Variants in SGIP1 observed in about 807,000 individuals in gnomAD.
The protein encoded by SGIP1 is SH3GL interacting endocytic adaptor 1.
Under a neutral mutation model 107.5 loss-of-function variants are expected in SGIP1, and 38 were observed. That is an observed-to-expected ratio of 0.35 (90% CI 0.27 to 0.46). SGIP1 has a LOEUF of 0.46. SGIP1 is among the 20% of genes least tolerant of loss of function. SGIP1 has a pLI of 1.00. For missense variants in SGIP1, 929 were observed against 1,019.5 expected, an observed-to-expected ratio of 0.91 and a Z score of 1.21; for synonymous variants, 365 against 366.1, an observed-to-expected ratio of 1.00 and a Z score of 0.03.
intron 1 of SGIP1, among the ~76,000 whole-genome samples, chr1:66,539,783 G>A (rs1402804570): frequency 1.3e-5 from 2 of 152,172 alleles, no homozygotes; most frequent in Non-Finnish European, 2.9e-5. Flanking sequence ...CACCTCCTCA[G>A]GCAGCCTTTG....
intron 17 of SGIP1, chr1:66,694,595 C>A: frequency 9.8e-7 from 1 of 1,016,212 alleles, no homozygotes; most frequent in Non-Finnish European, 1.4e-6. Flanking sequence ...ATGGACATGC[C>A]CTCACCTCAT....
At chr1:66,561,465 A>AAC (rs1458007141) in intron 1 of SGIP1, among the ~76,000 whole-genome samples, 1 of 152,056 alleles carries the variant, frequency 6.6e-6, no homozygotes, top group Admixed American at 6.6e-5. Context: ...GAAGTCAGAG[A>AAC]TTGTGATCCA....
chr1:66,731,199 T>TG (rs2093993881), intron 20 of SGIP1, among the ~76,000 whole-genome samples: 1 of 152,224 alleles, frequency 6.6e-6, no homozygotes, highest in Non-Finnish European at 1.5e-5. Context: ...CGTGAGGGAA[T>TG]GGAAAAAGTC....
intron 17 of SGIP1, chr1:66,694,530 A>G (rs1304912763): frequency 6.5e-7 from 1 of 1,546,364 alleles, no homozygotes; most frequent in Non-Finnish European, 8.7e-7. Context: ...AGTGATCTCT[A>G]GAGACCTAGA....
chr1:66,545,628 T>TTGTG (rs769603266), intron 1 of SGIP1, among the ~76,000 whole-genome samples: 22,380 of 138,740 alleles, frequency 0.16, 1,792 homozygotes, highest in Admixed American at 0.18. Flanking sequence ...ACTGAACAAA[T>TTGTG]TGTGTGTGTG....
intron 21 of SGIP1, among the ~76,000 whole-genome samples, chr1:66,736,825 G>T (rs1018334202): frequency 1.3e-5 from 2 of 151,850 alleles, no homozygotes; most frequent in African/African-American, 2.4e-5. Flanking sequence ...TGCATCCTCT[G>T]CTTTGGAAAA....
intron 18 of SGIP1, among the ~76,000 whole-genome samples, chr1:66,713,211 GC>G (rs2093028786): frequency 6.6e-6 from 1 of 152,100 alleles, no homozygotes; most frequent in South Asian, 2.1e-4. Flanking sequence ...GGGCAAGAAT[GC>G]TACTTACCTT....
chr1:66,715,372 G>C (rs1035428215), intron 18 of SGIP1, among the ~76,000 whole-genome samples: 1 of 151,702 alleles, frequency 6.6e-6, no homozygotes, highest in African/African-American at 2.4e-5. Context: ...TTAAATGTTT[G>C]TTGTTTTCTG....
chr1:66,565,552 T>TA (rs1240935741), intron 1 of SGIP1, among the ~76,000 whole-genome samples: 4 of 151,852 alleles, frequency 2.6e-5, no homozygotes, highest in Non-Finnish European at 5.9e-5. Flanking sequence ...GATGAGGCAG[T>TA]AAAAAAATTC....
chr1:66,691,170 C>T (rs908847224), intron 17 of SGIP1, among the ~76,000 whole-genome samples: 1 of 152,130 alleles, frequency 6.6e-6, no homozygotes, highest in Non-Finnish European at 1.5e-5. Context: ...CAGAACTCCC[C>T]TCTGGCTCTT....
intron 18 of SGIP1, among the ~76,000 whole-genome samples, chr1:66,700,655 A>G (rs998154631): frequency 6.6e-6 from 1 of 152,136 alleles, no homozygotes; most frequent in Non-Finnish European, 1.5e-5. Flanking sequence ...TAGCATATCC[A>G]TCATCTCAAA....
intron 8 of SGIP1, among the ~76,000 whole-genome samples, chr1:66,665,096 T>A (rs1233331791): frequency 6.6e-6 from 1 of 152,176 alleles, no homozygotes; most frequent in African/African-American, 2.4e-5. Flanking sequence ...TTACATTAAG[T>A]ATTTCTCCTA....
intron 1 of SGIP1, among the ~76,000 whole-genome samples, chr1:66,545,177 C>T (rs1040055892): frequency 6.6e-6 from 1 of 152,208 alleles, no homozygotes; most frequent in Non-Finnish European, 1.5e-5. Context: ...TGATTGTTTA[C>T]CATGCTTCTA....
chr1:66,664,422 C>A lies in SGIP1; in HGVS notation c.472-3108C>A, dbSNP rs147699175. ...ACTTATAAACTGGTCTGAAAAATAA[C>A]CACTCCTGGACGTTAATCACAATGA... On this transcript the variant is annotated intron_variant, in intron 8 of 24. Coordinates refer to ENST00000371037, the MANE Select transcript of SGIP1 (RefSeq NM_032291.4). Among the ~76,000 whole-genome samples the A allele has an allele frequency of 3.6e-3, 544 of 152,206 alleles. 4 individuals carry two copies. The highest frequency in any genetic ancestry group is 0.013 in the African/African-American group (519 of 41,520).
intron 20 of SGIP1, among the ~76,000 whole-genome samples, chr1:66,732,855 G>T (rs1438258650): frequency 1.3e-5 from 2 of 152,082 alleles, no homozygotes; most frequent in East Asian, 3.8e-4. Flanking sequence ...TTAAGAAACT[G>T]TAACTACTGT....
intron 1 of SGIP1, among the ~76,000 whole-genome samples, chr1:66,621,315 T>C (rs1029227856): frequency 5.3e-5 from 8 of 152,214 alleles, no homozygotes; most frequent in African/African-American, 1.9e-4. Context: ...AGCAGTAACA[T>C]GTGCCACAAA....
At chr1:66,590,833 C>G (rs970324028) in intron 1 of SGIP1, among the ~76,000 whole-genome samples, 1 of 150,302 alleles carries the variant, frequency 6.7e-6, no homozygotes, top group Admixed American at 6.6e-5. Flanking sequence ...GATCTGCCCC[C>G]CTCAACCTTC....
chr1:66,674,354 A>G (rs754229484), intron 12 of SGIP1, among the ~76,000 whole-genome samples: 2 of 152,148 alleles, frequency 1.3e-5, no homozygotes, highest in Non-Finnish European at 2.9e-5. Context: ...TATAAAATGG[A>G]TCTTATCTAT....
chr1:66,625,969 T>TG, intron 2 of SGIP1, 59 bp downstream of exon 2: 5 of 1,383,774 alleles, frequency 3.6e-6, no homozygotes, highest in Non-Finnish European at 5.1e-6. Flanking sequence ...GATGCTCTTA[T>TG]CACAGTCAAT....
Sources: allele counts gnomAD v4.1 joint callset (sites outside exome capture counted in the v4.1 genomes callset), GRCh38; gene constraint gnomAD v4.1.1; transcripts MANE v1.5; gene names NCBI Gene and HGNC (gene_info 2026-07-23, HGNC 2026-07-21).